The following RAPGEF2 variants were observed in gnomAD, a reference collection of about 807,000 sequenced individuals.
RAPGEF2 encodes PDZ domain containing guanine nucleotide exchange factor (GEF) 1.
A neutral mutation model predicts 186.7 loss-of-function variants in RAPGEF2; 54 were observed. That is an observed-to-expected ratio of 0.29 (90% confidence interval 0.23 to 0.36). The LOEUF is 0.36. Ranked by LOEUF, RAPGEF2 falls within the 10% of genes least tolerant of loss-of-function variation. The probability of loss-of-function intolerance (pLI) is 1.00; values close to 1 mark genes in which losing one functional copy is unlikely to be tolerated. For synonymous variants in RAPGEF2, 712 were observed against 705.9 expected (o/e 1.01, Z -0.14); for missense variants, 1,532 against 2,045.0 (o/e 0.75, Z 4.84).
At chr4:159,322,772 A>G (rs567986331) in intron 10 of RAPGEF2, among the ~76,000 whole-genome samples, 2 of 152,192 alleles carry the variant, frequency 1.3e-5, no homozygotes, top group African/African-American at 2.4e-5. Flanking sequence ...CACTTCTTAC[A>G]TGGCAGTGGC....
chr4:159,183,206 G>C (rs1340645773), intron 1 of RAPGEF2, among the ~76,000 whole-genome samples: 1 of 152,192 alleles, frequency 6.6e-6, no homozygotes, highest in Non-Finnish European at 1.5e-5. Flanking sequence ...AAGACAGCGT[G>C]ATACAGGCAT....
At chr4:159,330,308 G>A in intron 12 of RAPGEF2, 26 bp from the exon 13 acceptor site, 3 of 877,636 alleles carry the variant, frequency 3.4e-6, no homozygotes, top group South Asian at 1.8e-5. Flanking sequence ...TATATATGTA[G>A]TAATTAAACC....
At chr4:159,282,897 AG>A (rs1759919092) in intron 7 of RAPGEF2, among the ~76,000 whole-genome samples, 1 of 152,212 alleles carries the variant, frequency 6.6e-6, no homozygotes, top group Non-Finnish European at 1.5e-5. Context: ...TGTAAAGGCC[AG>A]GATGTGGGAG....
chr4:159,228,301 G>T (rs1189366547), intron 4 of RAPGEF2: 1 of 152,248 alleles, frequency 6.6e-6, no homozygotes, highest in South Asian at 2.1e-4. Flanking sequence ...AGCTCCTATA[G>T]AAGGTGACAG....
chr4:159,316,009 C>T (rs1764550628), intron 9 of RAPGEF2, among the ~76,000 whole-genome samples: 1 of 152,130 alleles, frequency 6.6e-6, no homozygotes, highest in Non-Finnish European at 1.5e-5. Context: ...CTCCCTTTCC[C>T]GGTCTGCTAA....
Position 159,321,204 on chromosome 4 carries a change from CTTT to C in RAPGEF2, c.854-1127_854-1125del, listed in dbSNP as rs33926132. The stretch of plus-strand genomic sequence containing the variant: ...ATGGTCTTGAATCATGTCACTGCCA[CTTT>C]TTTTTTTTTTTTTTTAAGAGACAGA... On this transcript the variant is annotated intron_variant, in intron 9 of 29. Coordinates refer to ENST00000691494, the MANE Select transcript of RAPGEF2 (RefSeq NM_001394067.2). Among the ~76,000 whole-genome samples the C allele has an allele frequency of 6.0e-4, 84 of 140,172 alleles. 1 individual carries two copies. The highest frequency in any genetic ancestry group is 6.4e-4 in the African/African-American group (24 of 37,778). The allele number at this position is 140,172 out of a possible 152,430, so 92.0% of individuals were successfully genotyped here. A position where few individuals can be genotyped will look rare whatever the true frequency, so the allele number is the denominator to read the frequency against.
At chr4:159,294,634 TCTTCCTTC>T (rs1207452261) in intron 7 of RAPGEF2, among the ~76,000 whole-genome samples, 8,354 of 132,976 alleles carry the variant, frequency 0.063, 292 homozygotes, top group African/African-American at 0.085. Flanking sequence ...AGCTTCCATT[TCTTCCTTC>T]CTTCCTTCCT....
At chr4:159,300,437 A>G (rs1489599601) in intron 7 of RAPGEF2, among the ~76,000 whole-genome samples, 2 of 151,896 alleles carry the variant, frequency 1.3e-5, no homozygotes, top group African/African-American at 4.8e-5. Flanking sequence ...TATTTATATA[A>G]TCGAATATTA....
chr4:159,340,431 A>G (rs535498471), intron 19 of RAPGEF2, among the ~76,000 whole-genome samples: 2 of 152,318 alleles, frequency 1.3e-5, no homozygotes, highest in East Asian at 1.9e-4. Flanking sequence ...GAAGAAAATT[A>G]TAGATGGGTA....
At chr4:159,183,740 C>T (rs891661318) in intron 1 of RAPGEF2, among the ~76,000 whole-genome samples, 7 of 152,006 alleles carry the variant, frequency 4.6e-5, no homozygotes, top group African/African-American at 1.4e-4. Context: ...AAAATATGAA[C>T]AAAGAATTTT....
At chr4:159,314,075 C>T (rs1764258948) in intron 8 of RAPGEF2, among the ~76,000 whole-genome samples, 1 of 152,150 alleles carries the variant, frequency 6.6e-6, no homozygotes, top group Non-Finnish European at 1.5e-5. Context: ...TAACAGTGGT[C>T]ATTGGGATAA....
chr4:159,304,617 G>T, intron 8 of RAPGEF2, 144 bp downstream of exon 8: 1 of 746,830 alleles, frequency 1.3e-6, no homozygotes, highest in African/African-American at 1.8e-5. Flanking sequence ...TGTTTATTTC[G>T]TATATGTTAT....
chr4:159,115,177 G>T (rs1287502336), intron 1 of RAPGEF2, among the ~76,000 whole-genome samples: 1 of 151,870 alleles, frequency 6.6e-6, no homozygotes, highest in African/African-American at 2.4e-5. Flanking sequence ...AATGAATGCT[G>T]TTTTTAATAT....
chr4:159,140,325 A>G (rs1197668980), intron 1 of RAPGEF2, among the ~76,000 whole-genome samples: 2 of 152,246 alleles, frequency 1.3e-5, no homozygotes, highest in African/African-American at 4.8e-5. Context: ...AATGGGAGGT[A>G]TAATATTAAA....
chr4:159,290,754 CA>C (rs571399743), intron 7 of RAPGEF2, among the ~76,000 whole-genome samples: 4,521 of 126,728 alleles, frequency 0.036, 216 homozygotes, highest in African/African-American at 0.11. Context: ...CTAAGGTTTA[CA>C]AAAAAAAAAA....
intron 1 of RAPGEF2, among the ~76,000 whole-genome samples, chr4:159,172,371 G>A (rs193000119): frequency 2.0e-5 from 3 of 152,252 alleles, no homozygotes; most frequent in Non-Finnish European, 2.9e-5. Context: ...GTTGGGAACC[G>A]TTCTCCTACC....
intron 1 of RAPGEF2, among the ~76,000 whole-genome samples, chr4:159,124,041 A>G (rs1425016131): frequency 1.3e-5 from 2 of 150,350 alleles, no homozygotes; most frequent in Admixed American, 6.6e-5. Context: ...TTTTTAGTAG[A>G]GATGGCGTTT....
rs751781261 is a variant in RAPGEF2 at position 159,186,809 on chromosome 4, CATA to C, written c.140+103_140+105del. On this transcript the variant is annotated intron_variant, in intron 2 of 29. Transcript: ENST00000691494. ...ATTTTTTACTTTTATTCTTACTTGA[CATA>C]ATAATTGTACATATTCGTGGGGTAC... The C allele has an allele frequency of 8.7e-5, 57 of 658,814 alleles. 1 individual carries two copies. Among genetic ancestry groups the C allele is most frequent in the Middle Eastern group, 3.2e-4 (1 of 3,156 alleles). The allele number at this position is 658,814 out of a possible 1,614,324, so 40.8% of individuals were successfully genotyped here.
At chr4:159,200,529 T>A (rs962853245) in intron 3 of RAPGEF2, among the ~76,000 whole-genome samples, 14 of 152,026 alleles carry the variant, frequency 9.2e-5, no homozygotes, top group African/African-American at 3.4e-4. Context: ...CTATAGAATA[T>A]CTGGCTTTAC....
Sources: allele counts gnomAD v4.1 joint callset (sites outside exome capture counted in the v4.1 genomes callset), GRCh38; gene constraint gnomAD v4.1.1; transcripts MANE v1.5; gene names NCBI Gene and HGNC (gene_info 2026-07-23, HGNC 2026-07-21).